Variants in KAZN observed in about 807,000 individuals in gnomAD.
KAZN encodes the protein kazrin, periplakin interacting protein, also known as kazrin.
KAZN carries 40 observed loss-of-function variants against 87.4 expected under a neutral mutation model. The ratio of observed to expected loss-of-function variants is 0.46; its 90% CI spans 0.36 to 0.60. The LOEUF (loss-of-function observed/expected upper bound fraction) is 0.60. Ranked by LOEUF, KAZN falls within the 20% of genes least tolerant of loss-of-function variation. The pLI is 0.00. For synonymous variants in KAZN, 466 were observed against 458.3 expected (o/e 1.02, Z -0.22); for missense variants, 898 against 1,073.9 (o/e 0.84, Z 2.29).
At chr1:14,579,250 G>A (rs549539985) in intron 2 of KAZN, among the ~76,000 whole-genome samples, 2 of 152,272 alleles carry the variant, frequency 1.3e-5, no homozygotes, top group South Asian at 2.1e-4. Context: ...AGATTTCTAT[G>A]AGATAAAATG....
At chr1:14,291,594 G>T (rs1653697824) in intron 2 of KAZN, among the ~76,000 whole-genome samples, 1 of 152,178 alleles carries the variant, frequency 6.6e-6, no homozygotes, top group Admixed American at 6.5e-5. Context: ...GTCTGTCATG[G>T]CTTCTCTTGG....
chr1:15,101,164 TTC>T (rs143288616), intron 10 of KAZN, among the ~76,000 whole-genome samples: 66 of 127,632 alleles, frequency 5.2e-4, no homozygotes, highest in Admixed American at 5.9e-4. Flanking sequence ...GTCTCGGTCT[TTC>T]TCTCTCTCTC....
intron 1 of KAZN, among the ~76,000 whole-genome samples, chr1:14,679,208 G>A (rs753304763): frequency 1.3e-4 from 20 of 152,154 alleles, no homozygotes; most frequent in East Asian, 1.9e-4. Context: ...ATGTAGGGCC[G>A]CATGAGGAAG....
At chr1:15,053,182 C>A (rs1674596646) in intron 4 of KAZN, among the ~76,000 whole-genome samples, 1 of 152,200 alleles carries the variant, frequency 6.6e-6, no homozygotes, top group African/African-American at 2.4e-5. Flanking sequence ...GTGGGGCATC[C>A]CCCTAAGACT....
chr1:14,870,243 A>G (rs1004514749), intron 1 of KAZN, among the ~76,000 whole-genome samples: 1 of 152,216 alleles, frequency 6.6e-6, no homozygotes, highest in Admixed American at 6.5e-5. Flanking sequence ...TGGAGTTAAG[A>G]CAGGGTGAAG....
chr1:14,155,811 A>G (rs1050571877), intron 1 of KAZN, among the ~76,000 whole-genome samples: 20 of 151,970 alleles, frequency 1.3e-4, no homozygotes, highest in African/African-American at 4.8e-4. Flanking sequence ...CACCATGTCC[A>G]GTTAATTTTT....
chr1:14,402,580 A>G lies in KAZN; in HGVS notation c.250-196403A>G, dbSNP rs74567242. 3.7e-4 allele frequency among the ~76,000 whole-genome samples: 56 copies of G among 152,326 alleles called. No homozygotes were observed. The East Asian group carries it at 4.0e-3, about 11-fold the overall frequency. ...TCCCCAAATTAACTTATAAATGTCA[A>G]TATGTTATAATCAAAGTCCTGACAA... is the stretch of plus-strand genomic sequence containing the variant. On this transcript the variant is annotated intron_variant, in intron 2 of 16. Transcript: ENST00000636203.
intron 1 of KAZN, among the ~76,000 whole-genome samples, chr1:13,943,482 A>T (rs900976645): frequency 6.6e-6 from 1 of 152,118 alleles, no homozygotes; most frequent in African/African-American, 2.4e-5. Flanking sequence ...ACCACCTAGA[A>T]TTTCATATTT....
chr1:14,688,369 C>T (rs1233269791), intron 1 of KAZN, among the ~76,000 whole-genome samples: 1 of 152,210 alleles, frequency 6.6e-6, no homozygotes, highest in Non-Finnish European at 1.5e-5. Flanking sequence ...ATCGATTGTG[C>T]TCACCACCGT....
chr1:15,099,403 C>A lies in KAZN; in HGVS notation c.1548-2140C>A, dbSNP rs954784756. Among the ~76,000 whole-genome samples the A allele has an allele frequency of 1.3e-5, 2 of 152,212 alleles. No homozygotes were observed. Among genetic ancestry groups the A allele is most frequent in the Non-Finnish European group, 2.9e-5 (2 of 68,042 alleles). On this transcript the variant is annotated intron_variant, in intron 10 of 14. Transcript: ENST00000376030. The surrounding 1 kb of genome is among the most constrained non-coding windows in gnomAD (Gnocchi z 5.4). Reference sequence around the variant, plus strand: ...GCTTAGGTTCAGTATGTGATTAGAGCTTTGAAGGAAAGCACTAGGGACAGT... The same window carrying A: ...GCTTAGGTTCAGTATGTGATTAGAGATTTGAAGGAAAGCACTAGGGACAGT...
At chr1:14,973,514 C>T (rs967361328) in intron 2 of KAZN, among the ~76,000 whole-genome samples, 1 of 152,144 alleles carries the variant, frequency 6.6e-6, no homozygotes, top group Non-Finnish European at 1.5e-5. Context: ...TAAACTAATC[C>T]CAGTTGACTG....
At chr1:14,767,142 G>A (rs1644905470) in intron 1 of KAZN, among the ~76,000 whole-genome samples, 1 of 152,184 alleles carries the variant, frequency 6.6e-6, no homozygotes, top group African/African-American at 2.4e-5. Context: ...ATTGAGGTTG[G>A]TTAAGGGTTA....
intron 2 of KAZN, among the ~76,000 whole-genome samples, chr1:14,249,123 A>G (rs1000792912): frequency 1.3e-5 from 2 of 152,202 alleles, no homozygotes; most frequent in Admixed American, 6.5e-5. Flanking sequence ...GAGACAAACC[A>G]TCCCCACTCT....
chr1:14,002,840 C>G (rs1388338325), intron 1 of KAZN, among the ~76,000 whole-genome samples: 1 of 152,126 alleles, frequency 6.6e-6, no homozygotes, highest in African/African-American at 2.4e-5. Context: ...TATGACCCAG[C>G]AAACCCATTA....
chr1:14,419,717 G>T (rs1422144237), intron 2 of KAZN, among the ~76,000 whole-genome samples: 1 of 152,148 alleles, frequency 6.6e-6, no homozygotes, highest in Non-Finnish European at 1.5e-5. Context: ...GAGTGAAGCC[G>T]CAGACCTCCG....
intron 1 of KAZN, among the ~76,000 whole-genome samples, chr1:14,170,474 T>TC (rs1029226220): frequency 2.0e-5 from 3 of 152,130 alleles, no homozygotes; most frequent in African/African-American, 7.2e-5. Flanking sequence ...CAGAGACCAC[T>TC]CCAGTGTCTG....
At chr1:14,969,050 G>C (rs895567539) in intron 2 of KAZN, among the ~76,000 whole-genome samples, 1 of 152,206 alleles carries the variant, frequency 6.6e-6, no homozygotes, top group African/African-American at 2.4e-5. Flanking sequence ...CGGGGTCGGT[G>C]GGGCTGGAAG....
intron 1 of KAZN, among the ~76,000 whole-genome samples, chr1:13,990,140 A>C (rs1300381384): frequency 6.6e-6 from 1 of 152,242 alleles, no homozygotes; most frequent in East Asian, 1.9e-4. Context: ...CCAAGCACAC[A>C]TCTAGTTTTT....
chr1:14,896,291 G>A (rs1359248407), intron 1 of KAZN, among the ~76,000 whole-genome samples: 1 of 152,140 alleles, frequency 6.6e-6, no homozygotes, highest in Middle Eastern at 3.2e-3. Context: ...TTGACCTCGT[G>A]ATCCGCCTGC....
Sources: gnomAD v4.1 joint callset for allele counts (sites outside exome capture counted in the v4.1 genomes callset) on GRCh38, gnomAD v4.1.1 for gene constraint, Gnocchi (gnomAD v3.1) non-coding constraint, MANE v1.5 for transcripts, NCBI Gene and HGNC (gene_info 2026-07-23, HGNC 2026-07-21) for gene names.